NUP214: variants seen among roughly 807,000 people sequenced by gnomAD.
The protein encoded by NUP214 is nuclear pore complex protein Nup214.
NUP214 carries 79 observed loss-of-function variants against 196.2 expected under a neutral mutation model. The ratio of observed to expected loss-of-function variants is 0.40; its 90% CI spans 0.34 to 0.49. The LOEUF is 0.49. NUP214 is among the 20% of genes least tolerant of loss of function. The pLI, the probability that NUP214 is intolerant of heterozygous loss-of-function variation, is 0.58. For missense variants in NUP214, 2,468 were observed against 2,539.0 expected (o/e 0.97, Z 0.60); for synonymous variants, 1,020 against 990.5 (o/e 1.03, Z -0.56).
chr9:131,218,965 G>T (rs182341562), intron 31 of NUP214, among the ~76,000 whole-genome samples: 14 of 152,146 alleles, frequency 9.2e-5, no homozygotes, highest in African/African-American at 2.9e-4. Flanking sequence ...TTTAAAAGAT[G>T]AATGCAAGGC....
At chr9:131,129,509 A>G (rs764583849) in intron 4 of NUP214, 32 bp downstream of exon 4, 8 of 1,585,182 alleles carry the variant, frequency 5.0e-6, no homozygotes, top group Admixed American at 1.7e-5. Context: ...ACTGTAGCAT[A>G]CAATCATGGT....
chr9:131,140,752 GGCTTGC>G, intron 11 of NUP214, 42 bp downstream of exon 11: 9 of 1,570,214 alleles, frequency 5.7e-6, no homozygotes, highest in Non-Finnish European at 7.8e-6. Context: ...GAATACCATG[GGCTTGC>G]ACAAGAGTAT....
At position 131,198,608 on chromosome 9, in the gene NUP214, G is replaced by A. The variant is rs192972685; in HGVS notation, c.5114G>A (p.Ser1705Asn). ...STAAATPQVS[S>N]SGFSSPAFGT... ...GCAGCTGCCACACCACAGGTCAGCA[G>A]CTCAGGGTTTAGCAGCCCAGCTTTT... The change falls in exon 29 of 36, where the codon AGC becomes AAC. Residue 1705 changes from serine to asparagine, a missense_variant. This residue lies in a region of NUP214 where 1,801 missense variants were observed against 1,779.4 expected (regional missense o/e 1.01). Transcript: ENST00000359428. The A allele has an allele frequency of 9.3e-6, 15 of 1,614,144 alleles. No individual in the cohort carries two copies. The highest frequency in any genetic ancestry group is 1.3e-5 in the African/African-American group (1 of 74,960).
intron 32 of NUP214, among the ~76,000 whole-genome samples, chr9:131,223,799 A>G (rs1466696484): frequency 4.0e-5 from 5 of 125,724 alleles, no homozygotes; most frequent in East Asian, 2.6e-4. Flanking sequence ...CAGTGGCGCA[A>G]TCTCGGCTCA....
intron 18 of NUP214, among the ~76,000 whole-genome samples, chr9:131,162,276 T>C (rs1197909260): frequency 6.6e-6 from 1 of 152,228 alleles, no homozygotes; most frequent in Non-Finnish European, 1.5e-5. Context: ...TGTATTGACA[T>C]ACCATAGCAA....
chr9:131,162,723 C>CCT lies in NUP214; in HGVS notation c.2541-262_2541-261dup, dbSNP rs1832678178. The CCT allele has an allele frequency of 2.2e-5, 9 of 411,182 alleles. No individual in the cohort carries two copies. The South Asian group carries it at 2.6e-4, about 12-fold the overall frequency. The allele number at this position is 411,182 out of a possible 1,614,324, so 25.5% of individuals were successfully genotyped here. A position where few individuals can be genotyped will look rare whatever the true frequency, so the allele number is the denominator to read the frequency against. Reference sequence around the variant, plus strand: ...CACTCCTGCCCTTTTCTTCCCAGGGCCTCTCTCAGGTTTCACCTAATGTAT... The same window carrying CCT: ...CACTCCTGCCCTTTTCTTCCCAGGGCCTCTCTCTCAGGTTTCACCTAATGTAT... On this transcript the variant is annotated intron_variant, in intron 18 of 35. Coordinates refer to ENST00000359428, the MANE Select transcript of NUP214 (RefSeq NM_005085.4).
chr9:131,167,953 T>C (rs1832834925), intron 21 of NUP214, among the ~76,000 whole-genome samples: 1 of 152,198 alleles, frequency 6.6e-6, no homozygotes, highest in South Asian at 2.1e-4. Context: ...GGTGCAGTCA[T>C]AGCTCACTGC....
rs372137621 is a variant in NUP214 at position 131,158,305 on chromosome 9, CT to C, written c.2437-1077del. Among the ~76,000 whole-genome samples, 178 of 152,354 alleles carry C rather than the reference CT, an allele frequency of 1.2e-3. 4 individuals carry two copies. In the South Asian group the frequency reaches 0.035, roughly 30 times the overall value. On this transcript the variant is annotated intron_variant, in intron 17 of 35. Coordinates refer to ENST00000359428, the MANE Select transcript of NUP214 (RefSeq NM_005085.4). ...TGTTAGCCAGGCTGGTCTGGAAGTC[CT>C]GGCCTCAGGTGATCTGCCCACCTTG... is the stretch of plus-strand genomic sequence containing the variant.
chr9:131,133,266 C>CCTCCAGCTTTA, intron 7 of NUP214, 57 bp downstream of exon 7: 1 of 1,067,286 alleles, frequency 9.4e-7, no homozygotes, highest in Non-Finnish European at 1.3e-6. Context: ...TCTAATAAAG[C>CCTCCAGCTTTA]TGGAGGCTTT....
At chr9:131,152,024 C>T in intron 17 of NUP214, 130 bp downstream of exon 17, 1 of 671,954 alleles carries the variant, frequency 1.5e-6, no homozygotes, top group South Asian at 2.6e-5. Context: ...TATAATTTAC[C>T]ACATTTCCCG....
At chr9:131,162,479 T>G (rs1832669669) in intron 18 of NUP214, among the ~76,000 whole-genome samples, 1 of 152,232 alleles carries the variant, frequency 6.6e-6, no homozygotes, top group African/African-American at 2.4e-5. Flanking sequence ...CAGCTACTGT[T>G]GTCTCTGTCT....
At chr9:131,215,501 A>G in intron 31 of NUP214, 133 bp downstream of exon 31, 1 of 1,000,800 alleles carries the variant, frequency 1.0e-6, no homozygotes, top group Non-Finnish European at 1.4e-6. Flanking sequence ...TATCTTCCCC[A>G]AAGCAGTGTG....
chr9:131,225,397 C>T (rs1834694100), intron 32 of NUP214, among the ~76,000 whole-genome samples: 1 of 152,096 alleles, frequency 6.6e-6, no homozygotes, highest in Non-Finnish European at 1.5e-5. Context: ...TCATCCTGGG[C>T]AACAAAGCAA....
chr9:131,148,022 A>G (rs1832135128), intron 14 of NUP214, among the ~76,000 whole-genome samples: 1 of 152,226 alleles, frequency 6.6e-6, no homozygotes, highest in African/African-American at 2.4e-5. Flanking sequence ...CCCCGTCTCT[A>G]CTAAAAACGC....
intron 21 of NUP214, among the ~76,000 whole-genome samples, chr9:131,169,034 GTTT>G (rs58054099): frequency 1.6e-5 from 2 of 124,130 alleles, no homozygotes; most frequent in Non-Finnish European, 1.6e-5. Flanking sequence ...GTTTTTTTTT[GTTT>G]TTTTTTTTTT....
chr9:131,153,088 C>G (rs1358298140), intron 17 of NUP214: 1 of 152,200 alleles, frequency 6.6e-6, no homozygotes, highest in Admixed American at 6.5e-5. Flanking sequence ...TTCTTAATCT[C>G]TGCTTTTGCT....
chr9:131,209,080 A>G (rs548720704), intron 30 of NUP214, among the ~76,000 whole-genome samples: 3 of 151,888 alleles, frequency 2.0e-5, no homozygotes, highest in South Asian at 2.1e-4. Flanking sequence ...TTTGAAAACC[A>G]TATGCTAAGG....
At chr9:131,173,644 G>T (rs969862476) in intron 21 of NUP214, among the ~76,000 whole-genome samples, 4 of 151,804 alleles carry the variant, frequency 2.6e-5, no homozygotes, top group African/African-American at 7.3e-5. Context: ...TCCATTTTGC[G>T]TTGGACCTGT....
rs1344543703 is a variant in NUP214 at position 131,232,162 on chromosome 9, G to C, written c.6215-122G>C. On this transcript the variant is annotated intron_variant, in intron 34 of 35. Coordinates refer to ENST00000359428, the MANE Select transcript of NUP214 (RefSeq NM_005085.4). The surrounding 1 kb of genome is among the most constrained non-coding windows in gnomAD (Gnocchi z 5.1). ...GTGTACCTTTCCTGCCTTCCTGTAG[G>C]TGGTGGAGGCACGGAGGGCTTCCCA... The C allele has an allele frequency of 3.2e-6, 3 of 929,822 alleles. No individual in the cohort carries two copies. The highest frequency in any genetic ancestry group is 5.4e-6 in the Non-Finnish European group (3 of 559,446). The allele number at this position is 929,822 out of a possible 1,614,324, so 57.6% of individuals were successfully genotyped here. A position where few individuals can be genotyped will look rare whatever the true frequency, so the allele number is the denominator to read the frequency against.
Sources: allele counts gnomAD v4.1 joint callset (sites outside exome capture counted in the v4.1 genomes callset), GRCh38; gene constraint gnomAD v4.1.1; regional missense constraint gnomAD v4.1.1; non-coding constraint Gnocchi (gnomAD v3.1); transcripts MANE v1.5; gene names NCBI Gene and HGNC (gene_info 2026-07-23, HGNC 2026-07-21).